Variants in ARID1B observed in about 807,000 individuals in gnomAD.
The protein encoded by ARID1B is AT-rich interactive domain-containing protein 1B.
In ARID1B, 30 loss-of-function variants were observed where a neutral mutation model predicts 212.3. That is an observed-to-expected ratio of 0.14 (90% CI 0.11 to 0.19). The LOEUF is 0.19. Among genes scored for constraint, ARID1B ranks in the 10% least tolerant of loss-of-function variants. ARID1B has a pLI of 1.00. For synonymous variants in ARID1B, 1,402 were observed against 1,301.7 expected (o/e 1.08, Z -1.66); for missense variants, 2,891 against 3,204.0 (o/e 0.90, Z 2.36).
chr6:157,195,968 G>A, intron 15 of ARID1B, 197 bp from the exon 16 acceptor site: 2 of 536,638 alleles, frequency 3.7e-6, no homozygotes, highest in Non-Finnish European at 6.2e-6. Flanking sequence ...GGGTGACGCA[G>A]GAGAATCGCC....
intron 1 of ARID1B, among the ~76,000 whole-genome samples, chr6:156,820,704 C>G (rs967743164): frequency 1.3e-5 from 2 of 152,214 alleles, no homozygotes; most frequent in Non-Finnish European, 2.9e-5. Flanking sequence ...TGACTTGAAA[C>G]CCCCTGCCTG....
intron 12 of ARID1B, among the ~76,000 whole-genome samples, chr6:157,182,015 A>G (rs1034717169): frequency 6.6e-6 from 1 of 152,208 alleles, no homozygotes; most frequent in Non-Finnish European, 1.5e-5. Flanking sequence ...TGGGAAGCCA[A>G]GGCAGGAGGA....
chr6:156,981,618 A>G (rs1254433672), intron 4 of ARID1B, among the ~76,000 whole-genome samples: 1 of 152,166 alleles, frequency 6.6e-6, no homozygotes, highest in Non-Finnish European at 1.5e-5. Flanking sequence ...CTTGCTGTAC[A>G]CTGTGTCTTT....
chr6:157,193,747 T>TA (rs1793540948), intron 15 of ARID1B: 1 of 152,162 alleles, frequency 6.6e-6, no homozygotes, highest in Non-Finnish European at 1.5e-5. Flanking sequence ...AGCAAGCAGT[T>TA]AAAAACTTTT....
chr6:156,926,295 G>A (rs1791212354), intron 3 of ARID1B, among the ~76,000 whole-genome samples: 1 of 152,076 alleles, frequency 6.6e-6, no homozygotes, highest in Admixed American at 6.6e-5. Flanking sequence ...ATCATGGAGG[G>A]GTTTTGTTTT....
chr6:156,890,882 T>TTTG (rs997755772), intron 2 of ARID1B, among the ~76,000 whole-genome samples: 15 of 152,240 alleles, frequency 9.9e-5, no homozygotes, highest in Non-Finnish European at 1.8e-4. Flanking sequence ...TTGTGGAGTT[T>TTTG]TTGTTGTTGT....
intron 7 of ARID1B, among the ~76,000 whole-genome samples, chr6:157,145,274 C>G (rs1789643043): frequency 1.3e-5 from 2 of 152,192 alleles, no homozygotes; most frequent in South Asian, 4.1e-4. Flanking sequence ...CCCGCTCTGG[C>G]CCACTACCTG....
intron 7 of ARID1B, among the ~76,000 whole-genome samples, chr6:157,143,130 C>G (rs527902017): frequency 4.4e-4 from 67 of 152,292 alleles, no homozygotes; most frequent in African/African-American, 1.6e-3. Context: ...AATCTGAATT[C>G]ATTTGGTGAC....
chr6:156,901,260 T>G (rs529998999), intron 2 of ARID1B, 116 bp from the exon 3 acceptor site: 4 of 1,140,278 alleles, frequency 3.5e-6, no homozygotes, highest in Non-Finnish European at 5.1e-6. Context: ...ATTAGAAATA[T>G]TGAGTTTAGT....
intron 4 of ARID1B, among the ~76,000 whole-genome samples, chr6:157,066,611 T>C (rs1783692995): frequency 6.6e-6 from 1 of 152,210 alleles, no homozygotes. Context: ...TGGTCTTTTG[T>C]TCCAAAGAAT....
chr6:156,939,695 G>A (rs926127594), intron 4 of ARID1B: 2 of 152,052 alleles, frequency 1.3e-5, no homozygotes, highest in African/African-American at 2.4e-5. Flanking sequence ...CCAGGTGGGT[G>A]TTATTCTTAA....
At chr6:156,785,757 T>A (rs2115106453) in intron 1 of ARID1B, among the ~76,000 whole-genome samples, 1 of 152,380 alleles carries the variant, frequency 6.6e-6, no homozygotes, top group Non-Finnish European at 1.5e-5. Flanking sequence ...ATCTTGTTTT[T>A]GTAACCATTA....
chr6:156,963,424 T>C (rs995395351), intron 4 of ARID1B, among the ~76,000 whole-genome samples: 24 of 152,350 alleles, frequency 1.6e-4, no homozygotes, highest in African/African-American at 5.5e-4. Context: ...GTACTGTTTT[T>C]ATTATCTACT....
chr6:156,963,538 A>G (rs1490184212), intron 4 of ARID1B, among the ~76,000 whole-genome samples: 1 of 152,232 alleles, frequency 6.6e-6, no homozygotes, highest in African/African-American at 2.4e-5. Context: ...ATATTAAAGA[A>G]TCTAAATAGA....
chr6:157,170,294 A>G (rs1443140053), intron 9 of ARID1B: 1 of 152,174 alleles, frequency 6.6e-6, no homozygotes, highest in Non-Finnish European at 1.5e-5. Context: ...AAAAAAAGAA[A>G]AGATTCACAA....
intron 4 of ARID1B, among the ~76,000 whole-genome samples, chr6:156,969,249 G>C (rs1258333861): frequency 6.6e-6 from 1 of 152,190 alleles, no homozygotes; most frequent in Non-Finnish European, 1.5e-5. Context: ...TTGTGTGTAT[G>C]TGTCGACAAA....
chr6:157,209,645 G>T lies in ARID1B; in HGVS notation c.*1754G>T. 1 of 233,090 alleles carries T rather than the reference G, an allele frequency of 4.3e-6. No individual in the cohort carries two copies. Among genetic ancestry groups the T allele is most frequent in the Non-Finnish European group, 8.5e-6 (1 of 118,004 alleles). 14.4% of individuals were successfully genotyped at this position (233,090 alleles called of 1,614,324 possible). A position where few individuals can be genotyped will look rare whatever the true frequency, so the allele number is the denominator to read the frequency against. On this transcript the variant is annotated 3_prime_UTR_variant, in exon 20 of 20. Coordinates refer to ENST00000636930, the MANE Select transcript of ARID1B (RefSeq NM_001374828.1). The stretch of plus-strand genomic sequence containing the variant: ...GTTCAATCTATTCCTTGTTTCTTCT[G>T]TGTGCCTCAGAGTTATTTTGCATTT...
At chr6:156,950,870 A>C (rs1374384844) in intron 4 of ARID1B, among the ~76,000 whole-genome samples, 2 of 152,204 alleles carry the variant, frequency 1.3e-5, no homozygotes, top group Non-Finnish European at 2.9e-5. Flanking sequence ...ATTTACCTAC[A>C]AACCTAATTT....
At chr6:156,969,786 G>A (rs11156124) in intron 4 of ARID1B, among the ~76,000 whole-genome samples, 40,166 of 151,866 alleles carry the variant, frequency 0.26, 5,768 homozygotes, top group Non-Finnish European at 0.32. Flanking sequence ...GCATACTTCA[G>A]TATTACATCC....
Sources: allele counts gnomAD v4.1 joint callset (sites outside exome capture counted in the v4.1 genomes callset), GRCh38; gene constraint gnomAD v4.1.1; transcripts MANE v1.5; gene names NCBI Gene and HGNC (gene_info 2026-07-23, HGNC 2026-07-21).